Variants in NIF3L1 observed in about 807,000 individuals in gnomAD.
The protein encoded by NIF3L1 is NIF3-like protein 1.
In NIF3L1, 26 loss-of-function variants were observed where a neutral mutation model predicts 35.0. That is an observed-to-expected ratio of 0.74 (90% CI 0.54 to 1.03). NIF3L1 has a LOEUF of 1.03. Ranked by LOEUF, NIF3L1 falls within the 50% of genes least tolerant of loss-of-function variation. NIF3L1 has a pLI of 0.00. For synonymous variants in NIF3L1, 157 were observed against 178.9 expected (o/e 0.88, Z 0.98); for missense variants, 449 against 466.3 (o/e 0.96, Z 0.34).
chr2:200,890,816 G>C (rs1158387790), intron 1 of NIF3L1, among the ~76,000 whole-genome samples: 1 of 152,052 alleles, frequency 6.6e-6, no homozygotes, highest in African/African-American at 2.4e-5. Flanking sequence ...TCTTGAGCCT[G>C]GCCTTTGTGT....
chr2:200,896,504 G>A (rs2040317036), intron 4 of NIF3L1, among the ~76,000 whole-genome samples: 1 of 152,048 alleles, frequency 6.6e-6, no homozygotes, highest in East Asian at 1.9e-4. Flanking sequence ...TACTCCCCAA[G>A]CCTCCTAAGT....
intron 6 of NIF3L1, among the ~76,000 whole-genome samples, chr2:200,900,270 T>A (rs2040391584): frequency 6.6e-6 from 1 of 152,224 alleles, no homozygotes; most frequent in African/African-American, 2.4e-5. Context: ...TCCTGGCTAA[T>A]TTTTATTGAA....
intron 4 of NIF3L1, among the ~76,000 whole-genome samples, chr2:200,896,106 A>G (rs2040306979): frequency 6.6e-6 from 1 of 151,606 alleles, no homozygotes; most frequent in Non-Finnish European, 1.5e-5. Context: ...TCTCCTCTGT[A>G]TTGGCTCTGC....
intron 1 of NIF3L1, among the ~76,000 whole-genome samples, chr2:200,891,497 C>G (rs546364198): frequency 4.0e-5 from 6 of 151,886 alleles, no homozygotes; most frequent in African/African-American, 1.5e-4. Flanking sequence ...AAAGGGAGGT[C>G]AAGAAAAGTT....
intron 6 of NIF3L1, among the ~76,000 whole-genome samples, chr2:200,902,078 T>A (rs2040416252): frequency 1.3e-5 from 2 of 152,216 alleles, no homozygotes; most frequent in African/African-American, 4.8e-5. Flanking sequence ...TTTTTTTACT[T>A]ATAGGTGTTT....
chr2:200,903,693 G>A lies in NIF3L1; in HGVS notation c.*15G>A. ...AGGTGGTATAATTGCAGAAACATCA[G>A]GATAACACATTCTACAAATCAGCTG... is the stretch of plus-strand genomic sequence containing the variant. On this transcript the variant is annotated 3_prime_UTR_variant, in exon 7 of 7. Transcript: ENST00000409020. 1 of 1,603,958 alleles carries A rather than the reference G, an allele frequency of 6.2e-7. No individual in the cohort carries two copies. Among genetic ancestry groups the A allele is most frequent in the Non-Finnish European group, 8.5e-7 (1 of 1,170,840 alleles).
In NIF3L1 at chr2:200,899,557, C is replaced by T. The variant is rs562397070; in HGVS notation, c.949+89C>T. On this transcript the variant is annotated intron_variant, in intron 6 of 6. Transcript: ENST00000409020. ...GACAGTACCTGGCACATAGATGATA[C>T]CTAATTAATGTTTTCTGAACCTGAA... 9.8e-5 allele frequency: 79 copies of T among 809,604 alleles called. No individual in the cohort carries two copies. In the African/African-American group the frequency reaches 1.3e-3, roughly 13 times the overall value. 50.2% of individuals were successfully genotyped at this position (809,604 alleles called of 1,614,324 possible).
intron 3 of NIF3L1, among the ~76,000 whole-genome samples, chr2:200,894,114 C>T (rs2040255063): frequency 6.8e-6 from 1 of 147,850 alleles, no homozygotes; most frequent in East Asian, 2.0e-4. Context: ...GCGGAGGTTG[C>T]AGTGAGCCGA....
chr2:200,893,113 T>C (rs1220981934), intron 2 of NIF3L1, 133 bp from the exon 3 acceptor site: 1 of 577,742 alleles, frequency 1.7e-6, no homozygotes, highest in Middle Eastern at 2.7e-4. Context: ...AAGGGATGTG[T>C]GTATGTTATG....
chr2:200,896,162 C>T (rs1211710253), intron 4 of NIF3L1, among the ~76,000 whole-genome samples: 1 of 152,134 alleles, frequency 6.6e-6, no homozygotes, highest in Non-Finnish European at 1.5e-5. Context: ...AGAGTAGTCT[C>T]ACCGAGCACC....
At position 200,892,180 on chromosome 2, in the gene NIF3L1, G is replaced by A; in HGVS notation, c.237G>A (p.Glu79=). ...ATGACCTGACTGAGGAAGTGATGGA[G>A]GAGGTGCTGCAAAAGAAGGCAGACC... The part of the protein sequence containing the change: ...LTNDLTEEVM[E]EVLQKKADLI... Residue 79 remains glutamate (E), a synonymous_variant, in exon 2 of 7, where the codon GAG becomes GAA. Transcript: ENST00000409020. 1.2e-6 allele frequency: 2 copies of A among 1,614,204 alleles called. No individual in the cohort carries two copies. Among genetic ancestry groups the A allele is most frequent in the Non-Finnish European group, 1.7e-6 (2 of 1,180,030 alleles).
intron 6 of NIF3L1, among the ~76,000 whole-genome samples, chr2:200,899,773 G>A (rs991805157): frequency 6.6e-6 from 1 of 152,116 alleles, no homozygotes; most frequent in African/African-American, 2.4e-5. Context: ...ACCTTAGCTA[G>A]GAAATGGTTC....
rs1401586938 is a variant in NIF3L1, at chr2:200,897,090, T to C, written c.741T>C (p.His247=). The C allele has an allele frequency of 6.2e-7, 1 of 1,613,960 alleles. No homozygotes were observed. Among genetic ancestry groups the C allele is most frequent in the Non-Finnish European group, 8.5e-7 (1 of 1,179,888 alleles). The change falls in exon 5 of 7, where the codon CAT becomes CAC. Residue 247 remains histidine (H), a synonymous_variant. Coordinates refer to ENST00000409020, the MANE Select transcript of NIF3L1 (RefSeq NM_001369441.2). The stretch of plus-strand genomic sequence containing the variant: ...TTTCTCCTCAGCCTTTGCTTCTACA[T>C]ACTGGAATGGGACGGTTATGCACAC... ...ILSLEKPLLL[H]TGMGRLCTLD...
Position 200,897,271 on chromosome 2 carries a change from C to T in NIF3L1, c.865+57C>T, listed in dbSNP as rs189355121. On this transcript the variant is annotated intron_variant, in intron 5 of 6. Transcript: ENST00000409020. ...CCTACTGTTAACATTGGACAAAGAT[C>T]GAAACTCTTGGTTGTATTAATATGT... The T allele has an allele frequency of 1.7e-5, 26 of 1,554,394 alleles. No homozygotes were observed. The East Asian group carries it at 2.3e-4, about 14-fold the overall frequency.
intron 5 of NIF3L1, among the ~76,000 whole-genome samples, chr2:200,898,789 A>G (rs2040360837): frequency 6.6e-6 from 1 of 152,210 alleles, no homozygotes; most frequent in Non-Finnish European, 1.5e-5. Context: ...AATAAATAGT[A>G]TATTTAAAAA....
chr2:200,896,925 A>C (rs1475092536), intron 4 of NIF3L1, 151 bp from the exon 5 acceptor site: 1 of 721,008 alleles, frequency 1.4e-6, no homozygotes, highest in African/African-American at 1.8e-5. Flanking sequence ...AAAACTGTGA[A>C]CTCCTAGAAG....
intron 5 of NIF3L1, among the ~76,000 whole-genome samples, chr2:200,897,593 C>T (rs776744181): frequency 6.6e-6 from 1 of 152,052 alleles, no homozygotes; most frequent in Non-Finnish European, 1.5e-5. Flanking sequence ...CCAATACAAG[C>T]AAGGGAGGCA....
At position 200,893,316 on chromosome 2, in the gene NIF3L1, A is replaced by C; in HGVS notation, c.507A>C (p.Val169=). ...ACCCTACAGAGGGAAACCACCGAGT[A>C]GAATTCAACGTTAACTACACCCAAG... The part of the protein sequence containing the change: ...PNYPTEGNHR[V]EFNVNYTQDL... The change falls in exon 3 of 7, where the codon GTA becomes GTC. Residue 169 remains valine, a synonymous_variant. Coordinates refer to ENST00000409020, the MANE Select transcript of NIF3L1 (RefSeq NM_001369441.2). 3 of 1,611,440 alleles carry C rather than the reference A, an allele frequency of 1.9e-6. No individual in the cohort carries two copies. Among genetic ancestry groups the C allele is most frequent in the Non-Finnish European group, 2.5e-6 (3 of 1,178,586 alleles).
At chr2:200,891,654 G>A in intron 1 of NIF3L1, 1 of 428,770 alleles carries the variant, frequency 2.3e-6, no homozygotes, top group Non-Finnish European at 4.2e-6. Context: ...TGTGTATTAT[G>A]TACCAGGCTT....
Sources: allele counts gnomAD v4.1 joint callset (sites outside exome capture counted in the v4.1 genomes callset), GRCh38; gene constraint gnomAD v4.1.1; transcripts MANE v1.5; gene names NCBI Gene and HGNC (gene_info 2026-07-23, HGNC 2026-07-21).